RHOG: variants seen among roughly 807,000 people sequenced by gnomAD.
The protein encoded by RHOG is ras homolog family member G.
RHOG carries 1 observed loss-of-function variant against 12.3 expected under a neutral mutation model. That is an observed-to-expected ratio of 0.08 (90% CI 0.03 to 0.39). The LOEUF (loss-of-function observed/expected upper bound fraction) is 0.39. Among genes scored for constraint, RHOG ranks in the 10% least tolerant of loss-of-function variants. The pLI is 0.99. For missense variants in RHOG, 114 were observed against 266.2 expected, an observed-to-expected ratio of 0.43 and a Z score of 3.98; for synonymous variants, 129 against 116.0, an observed-to-expected ratio of 1.11 and a Z score of -0.72.
At chr11:3,838,612 GGAA>G (rs1200253535) in intron 1 of RHOG, among the ~76,000 whole-genome samples, 1 of 152,144 alleles carries the variant, frequency 6.6e-6, no homozygotes. Context: ...GGGCAGGACT[GGAA>G]GAAGAACAAT....
intron 1 of RHOG, among the ~76,000 whole-genome samples, chr11:3,829,812 T>G (rs1247450761): frequency 1.3e-5 from 2 of 151,838 alleles, no homozygotes; most frequent in Non-Finnish European, 2.9e-5. Flanking sequence ...AGTGGCGCAA[T>G]CTTGACTCAC....
chr11:3,836,357 CAAAAAAAAA>C (rs61427960), intron 1 of RHOG, among the ~76,000 whole-genome samples: 1 of 119,592 alleles, frequency 8.4e-6, no homozygotes, highest in South Asian at 2.8e-4. Flanking sequence ...ACTCCATCTC[CAAAAAAAAA>C]AAAAAAAGAA....
Position 3,827,965 on chromosome 11 carries a change from A to C in RHOG, c.174T>G (p.Thr58=), listed in dbSNP as rs147344327. The change falls in exon 2 of 2, where the codon ACT becomes ACG. Residue 58 remains threonine, a synonymous_variant. Transcript: ENST00000351018. This position sits in a 1 kb window ranked among gnomAD's most constrained non-coding sequence, Gnocchi z 7.3. ...GGCGGTCATACTCCTCCTGGCCCGC[A>C]GTGTCCCACAGGTTCAGGTTCACTG... ...GRTVNLNLWD[T]AGQEEYDRLR... is the part of the protein sequence containing the mutation. 8 of 1,614,140 alleles carry C rather than the reference A, an allele frequency of 5.0e-6. No individual in the cohort carries two copies. In the African/African-American group the frequency reaches 6.7e-5, roughly 13 times the overall value.
chr11:3,833,855 C>T (rs905170082), intron 1 of RHOG, among the ~76,000 whole-genome samples: 1 of 152,152 alleles, frequency 6.6e-6, no homozygotes, highest in African/African-American at 2.4e-5. Context: ...GCTGCCATTC[C>T]CTCTCCCTTC....
rs1565081010 is a variant in RHOG at position 3,827,855 on chromosome 11, T to C, written c.284A>G (p.His95Arg). 6.2e-7 allele frequency: 1 copy of C among 1,614,190 alleles called. No individual in the cohort carries two copies. The highest frequency in any genetic ancestry group is 8.5e-7 in the Non-Finnish European group (1 of 1,180,006). The stretch of plus-strand genomic sequence containing the variant: ...GTGGCACACCTCTGGATGCCACTTG[T>C]GCCGCACGTTCTCATAGGACGGCGG... ...ASPPSYENVR[H>R]KWHPEVCHHC... Residue 95 changes from histidine to arginine, a missense_variant, in exon 2 of 2, where the codon CAC (histidine) becomes CGC (arginine). This residue lies in a region of RHOG where 53 missense variants were observed against 164.8 expected (regional missense o/e 0.32). Transcript: ENST00000351018. The surrounding 1 kb of genome is among the most constrained non-coding windows in gnomAD (Gnocchi z 7.3).
chr11:3,831,436 G>A (rs963030445), intron 1 of RHOG, among the ~76,000 whole-genome samples: 7 of 152,082 alleles, frequency 4.6e-5, no homozygotes, highest in South Asian at 2.1e-4. Context: ...GTTTGTGCGC[G>A]TGCACGTGTG....
At position 3,827,980 on chromosome 11, in the gene RHOG, C is replaced by T. The variant is rs2090094458; in HGVS notation, c.159G>A (p.Leu53=). The T allele has an allele frequency of 1.9e-6, 3 of 1,614,166 alleles. No homozygotes were observed. The highest frequency in any genetic ancestry group is 1.7e-6 in the Non-Finnish European group (2 of 1,180,062). Reference sequence around the variant, plus strand: ...CCTGGCCCGCAGTGTCCCACAGGTTCAGGTTCACTGTGCGCCCGTCAACTG... The same window carrying T: ...CCTGGCCCGCAGTGTCCCACAGGTTTAGGTTCACTGTGCGCCCGTCAACTG... ...QSAVDGRTVN[L]NLWDTAGQEE... Residue 53 remains leucine (L), a synonymous_variant, in exon 2 of 2, where the codon CTG becomes CTA. Coordinates refer to ENST00000351018, the MANE Select transcript of RHOG (RefSeq NM_001665.4). The surrounding 1 kb of genome is among the most constrained non-coding windows in gnomAD (Gnocchi z 7.3).
At chr11:3,833,303 A>G (rs942814212) in intron 1 of RHOG, among the ~76,000 whole-genome samples, 7 of 152,020 alleles carry the variant, frequency 4.6e-5, no homozygotes, top group Middle Eastern at 3.2e-3. Context: ...GTTTGTTTGT[A>G]GAGACAGGGT....
At chr11:3,835,287 G>T (rs980561493) in intron 1 of RHOG, among the ~76,000 whole-genome samples, 1 of 152,100 alleles carries the variant, frequency 6.6e-6, no homozygotes, top group African/African-American at 2.4e-5. Flanking sequence ...CCTGGAATGC[G>T]ACTCACCCCC....
At chr11:3,828,995 C>T (rs921692914) in intron 1 of RHOG, among the ~76,000 whole-genome samples, 1 of 151,984 alleles carries the variant, frequency 6.6e-6, no homozygotes, top group Admixed American at 6.6e-5. Flanking sequence ...CTACTAGATC[C>T]TCTACTAAAT....
chr11:3,829,107 G>A (rs921641922), intron 1 of RHOG, among the ~76,000 whole-genome samples: 1 of 151,966 alleles, frequency 6.6e-6, no homozygotes, highest in African/African-American at 2.4e-5. Context: ...CTCAACTCAG[G>A]GCCCACCCTG....
chr11:3,828,214 C>G lies in RHOG; in HGVS notation c.-68-8G>C. On this transcript the variant is annotated splice_region_variant and splice_polypyrimidine_tract_variant and intron_variant, in intron 1 of 1. Transcript: ENST00000351018. ...CCCTCTGGCTGCAGTGACCTGTGGA[C>G]AGATGAAAGGGGACATTCTTGGTTA... 2.2e-6 allele frequency: 3 copies of G among 1,348,848 alleles called. No individual in the cohort carries two copies. The East Asian group carries it at 7.4e-5, about 33-fold the overall frequency. 83.6% of individuals were successfully genotyped at this position (1,348,848 alleles called of 1,614,324 possible).
intron 1 of RHOG, among the ~76,000 whole-genome samples, chr11:3,836,067 AAT>A (rs1483675836): frequency 6.6e-6 from 1 of 151,390 alleles, no homozygotes; most frequent in Non-Finnish European, 1.5e-5. Context: ...AAAAAAAAAA[AAT>A]CCCCCGGGTG....
intron 1 of RHOG, among the ~76,000 whole-genome samples, chr11:3,830,973 T>C (rs2090124204): frequency 6.6e-6 from 1 of 150,952 alleles, no homozygotes; most frequent in Non-Finnish European, 1.5e-5. Context: ...TGACTTCCTT[T>C]CCCTGACTGT....
At chr11:3,831,435 C>T (rs543595427) in intron 1 of RHOG, among the ~76,000 whole-genome samples, 76 of 151,124 alleles carry the variant, frequency 5.0e-4, no homozygotes, top group African/African-American at 1.7e-3. Flanking sequence ...TGTTTGTGCG[C>T]GTGCACGTGT....
intron 1 of RHOG, chr11:3,830,382 CG>C (rs1554947459): frequency 6.6e-6 from 1 of 152,090 alleles, no homozygotes; most frequent in Non-Finnish European, 1.5e-5. Context: ...AGGCCAGGCA[CG>C]GTGACTCATG....
chr11:3,839,367 A>C (rs970745214), intron 1 of RHOG, among the ~76,000 whole-genome samples: 2 of 151,240 alleles, frequency 1.3e-5, no homozygotes, highest in African/African-American at 4.9e-5. Flanking sequence ...CCACAACCTC[A>C]CTCACTGCAG....
intron 1 of RHOG, among the ~76,000 whole-genome samples, chr11:3,828,930 A>ATT (rs61116394): frequency 1.4e-4 from 21 of 148,938 alleles, no homozygotes; most frequent in African/African-American, 4.4e-4. Context: ...AGTATTAGCT[A>ATT]TTTTTTTTTT....
Position 3,827,518 on chromosome 11 carries a change from C to A in RHOG, c.*45G>T. The A allele has an allele frequency of 3.3e-6, 5 of 1,513,544 alleles. No individual in the cohort carries two copies. Among genetic ancestry groups the A allele is most frequent in the Non-Finnish European group, 3.6e-6 (4 of 1,108,294 alleles). 93.8% of individuals were successfully genotyped at this position (1,513,544 alleles called of 1,614,324 possible). Reference sequence around the variant, plus strand: ...AGGCGGACAAGGCACCAAGGCACAACTGGTGGGGGGAGGGCAGGGGCAGCC... The same window carrying A: ...AGGCGGACAAGGCACCAAGGCACAAATGGTGGGGGGAGGGCAGGGGCAGCC... On this transcript the variant is annotated 3_prime_UTR_variant, in exon 2 of 2. Coordinates refer to ENST00000351018, the MANE Select transcript of RHOG (RefSeq NM_001665.4). This position sits in a 1 kb window ranked among gnomAD's most constrained non-coding sequence, Gnocchi z 7.3.
Sources: allele counts gnomAD v4.1 joint callset (sites outside exome capture counted in the v4.1 genomes callset), GRCh38; gene constraint gnomAD v4.1.1; regional missense constraint gnomAD v4.1.1; non-coding constraint Gnocchi (gnomAD v3.1); transcripts MANE v1.5; gene names NCBI Gene and HGNC (gene_info 2026-07-23, HGNC 2026-07-21).